The following CNOT11 variants were observed in gnomAD, a reference collection of about 807,000 sequenced individuals.
CNOT11 encodes CCR4-NOT transcription complex subunit 11.
A neutral mutation model predicts 44.6 loss-of-function variants in CNOT11; 18 were observed. That is an observed-to-expected ratio of 0.40 (90% CI 0.28 to 0.60). The LOEUF (loss-of-function observed/expected upper bound fraction) is 0.60, where lower values mean the gene tolerates loss of function less well. CNOT11 is among the 20% of genes least tolerant of loss of function. CNOT11 has a pLI of 0.38. For synonymous variants in CNOT11, 291 were observed against 270.9 expected, an observed-to-expected ratio of 1.07 and a Z score of -0.73; for missense variants, 513 against 677.0, an observed-to-expected ratio of 0.76 and a Z score of 2.69.
At chr2:101,255,543 T>C (rs2104360842) in intron 1 of CNOT11, among the ~76,000 whole-genome samples, 1 of 152,110 alleles carries the variant, frequency 6.6e-6, no homozygotes, top group African/African-American at 2.4e-5. Flanking sequence ...ATACCATTAT[T>C]AAAGTAGGTA....
intron 2 of CNOT11, among the ~76,000 whole-genome samples, chr2:101,260,823 A>G (rs1468744384): frequency 8.3e-6 from 1 of 120,892 alleles, no homozygotes; most frequent in African/African-American, 2.8e-5. Flanking sequence ...TGGCCAATTT[A>G]TCTTTTTTTT....
At chr2:101,266,584 A>G (rs1660694) in intron 4 of CNOT11, 93 bp from the exon 5 acceptor site, 406,967 of 934,878 alleles carry the variant, frequency 0.44, 89,808 homozygotes, top group South Asian at 0.5. Flanking sequence ...AGCTTTTTGT[A>G]TAAAATGCTT....
Position 101,253,026 on chromosome 2 carries a change from G to A in CNOT11, c.62G>A (p.Gly21Glu). The change falls in exon 1 of 7, where the codon GGG becomes GAG. Residue 21 changes from glycine (G) to glutamate (E), a missense_variant. Coordinates refer to ENST00000289382, the MANE Select transcript of CNOT11 (RefSeq NM_017546.5). This position sits in a 1 kb window ranked among gnomAD's most constrained non-coding sequence, Gnocchi z 4.3. ...GRLLTAAEQR[G>E]SREAAGSASR... ...CTTCTCACCGCCGCGGAGCAAAGAG[G>A]GTCCCGGGAAGCGGCAGGGTCGGCG... 1 of 1,512,884 alleles carries A rather than the reference G, an allele frequency of 6.6e-7. No individual in the cohort carries two copies. The allele number at this position is 1,512,884 out of a possible 1,614,324, so 93.7% of individuals were successfully genotyped here.
At chr2:101,264,581 C>T (rs562556518) in intron 3 of CNOT11, among the ~76,000 whole-genome samples, 6 of 152,312 alleles carry the variant, frequency 3.9e-5, no homozygotes, top group African/African-American at 7.2e-5. Flanking sequence ...GGGCAGATCA[C>T]GGCCAGGCTT....
At chr2:101,263,955 G>T in intron 3 of CNOT11, among the ~76,000 whole-genome samples, 1 of 152,218 alleles carries the variant, frequency 6.6e-6, no homozygotes, top group East Asian at 1.9e-4. Context: ...TTTTGTAAGT[G>T]GTTGAAGGGA....
chr2:101,264,118 C>T (rs1298440618), intron 3 of CNOT11, among the ~76,000 whole-genome samples: 1 of 152,172 alleles, frequency 6.6e-6, no homozygotes, highest in African/African-American at 2.4e-5. Context: ...ATAAGCCACT[C>T]CTGCCCTATG....
chr2:101,269,688 C>G lies in CNOT11; in HGVS notation c.*275C>G. ...GTTCCGCAAAAAAGTAGATGAGTTT[C>G]TTTTTTTTTTAAGCACTAAAGAACA... is the stretch of plus-strand genomic sequence containing the variant. On this transcript the variant is annotated 3_prime_UTR_variant, in exon 7 of 7. Transcript: ENST00000289382. The surrounding 1 kb of genome is among the most constrained non-coding windows in gnomAD (Gnocchi z 4.8). 3.6e-6 allele frequency: 1 copy of G among 274,842 alleles called. No individual in the cohort carries two copies. The highest frequency in any genetic ancestry group is 6.5e-5 in the East Asian group (1 of 15,280). The allele number at this position is 274,842 out of a possible 1,614,324, so 17.0% of individuals were successfully genotyped here.
chr2:101,264,311 G>A (rs1433828527), intron 3 of CNOT11, among the ~76,000 whole-genome samples: 1 of 152,174 alleles, frequency 6.6e-6, no homozygotes, highest in African/African-American at 2.4e-5. Context: ...TTAGGGATTC[G>A]TGACGGTTTC....
chr2:101,269,016 G>C lies in CNOT11; in HGVS notation c.1239-24G>C, dbSNP rs1573205215. The C allele has an allele frequency of 6.8e-7, 1 of 1,467,140 alleles. No homozygotes were observed. The highest frequency in any genetic ancestry group is 9.4e-7 in the Non-Finnish European group (1 of 1,066,402). The allele number at this position is 1,467,140 out of a possible 1,614,324, so 90.9% of individuals were successfully genotyped here. A position where few individuals can be genotyped will look rare whatever the true frequency, so the allele number is the denominator to read the frequency against. ...CAATGTTAGCAAATGAAATTAATGG[G>C]CCAAATTTTCTTTTACGAAACAGAC... On this transcript the variant is annotated intron_variant, in intron 5 of 6. Coordinates refer to ENST00000289382, the MANE Select transcript of CNOT11 (RefSeq NM_017546.5). This position sits in a 1 kb window ranked among gnomAD's most constrained non-coding sequence, Gnocchi z 4.8.
chr2:101,255,360 T>A (rs1681714486), intron 1 of CNOT11, among the ~76,000 whole-genome samples: 1 of 152,080 alleles, frequency 6.6e-6, no homozygotes. Flanking sequence ...CCGGGCGCGG[T>A]GGCGGGCGCC....
chr2:101,264,989 T>G lies in CNOT11; in HGVS notation c.977T>G (p.Ile326Ser), dbSNP rs1681949722. The G allele has an allele frequency of 1.2e-6, 2 of 1,614,124 alleles. No individual in the cohort carries two copies. Among genetic ancestry groups the G allele is most frequent in the Admixed American group, 1.7e-5 (1 of 60,022 alleles). ...MCVKNSTGVE[I>S]KRIMAKAFKS... ...GTTAAGAATAGCACTGGTGTGGAGA[T>G]CAAACGAATAATGGCCAAAGCCTTC... is the stretch of plus-strand genomic sequence containing the variant. Residue 326 changes from isoleucine to serine, a missense_variant, in exon 4 of 7, where the codon ATC (isoleucine) becomes AGC (serine). This residue lies in a region of CNOT11 where 140 missense variants were observed against 169.8 expected (regional missense o/e 0.82). Transcript: ENST00000289382.
chr2:101,264,316 G>A (rs372267911), intron 3 of CNOT11, among the ~76,000 whole-genome samples: 2 of 152,130 alleles, frequency 1.3e-5, no homozygotes, highest in African/African-American at 4.8e-5. Context: ...GATTCGTGAC[G>A]GTTTCCACAT....
At chr2:101,265,821 T>A (rs1176715015) in intron 4 of CNOT11, among the ~76,000 whole-genome samples, 1 of 152,126 alleles carries the variant, frequency 6.6e-6, no homozygotes, top group Non-Finnish European at 1.5e-5. Flanking sequence ...ACTGCCCGAG[T>A]GTGAGACTGG....
Position 101,253,009 on chromosome 2 carries a change from C to G in CNOT11, c.45C>G (p.Thr15=). Residue 15 remains threonine (T), a synonymous_variant, in exon 1 of 7, where the codon ACC becomes ACG. Coordinates refer to ENST00000289382, the MANE Select transcript of CNOT11 (RefSeq NM_017546.5). The surrounding 1 kb of genome is among the most constrained non-coding windows in gnomAD (Gnocchi z 4.3). ...GCGCGGCGTCTGGCCGGCTTCTCAC[C>G]GCCGCGGAGCAAAGAGGGTCCCGGG... ...GASAASGRLL[T]AAEQRGSREA... The G allele has an allele frequency of 1.3e-6, 2 of 1,501,350 alleles. No homozygotes were observed. Among genetic ancestry groups the G allele is most frequent in the Non-Finnish European group, 1.8e-6 (2 of 1,132,192 alleles). The allele number at this position is 1,501,350 out of a possible 1,614,324, so 93.0% of individuals were successfully genotyped here. A position where few individuals can be genotyped will look rare whatever the true frequency, so the allele number is the denominator to read the frequency against.
intron 1 of CNOT11, among the ~76,000 whole-genome samples, chr2:101,255,037 G>A (rs1681707794): frequency 6.6e-6 from 1 of 152,146 alleles, no homozygotes; most frequent in South Asian, 2.1e-4. Flanking sequence ...CACCTAGTCC[G>A]TAGACCGCAT....
chr2:101,257,980 C>T (rs6757365), intron 2 of CNOT11, 25 bp downstream of exon 2: 659,716 of 1,594,124 alleles, frequency 0.41, 139,195 homozygotes, highest in East Asian at 0.51. Flanking sequence ...GTGTTTTGGG[C>T]ATTTCTGTGT....
chr2:101,253,288 C>T lies in CNOT11; in HGVS notation c.324C>T (p.Leu108=), dbSNP rs775339777. The T allele has an allele frequency of 2.5e-6, 4 of 1,611,252 alleles. No individual in the cohort carries two copies. The highest frequency in any genetic ancestry group is 3.3e-5 in the Admixed American group (2 of 59,936). ...ACCACTTCCGCCTGGGCTCGGTGCT[C>T]GTCATGCTGCTCCAGCAGCCCGACC... The part of the protein sequence containing the change: ...KADHFRLGSV[L]VMLLQQPDLL... The change falls in exon 1 of 7, where the codon CTC becomes CTT. Residue 108 remains leucine (L), a synonymous_variant. Transcript: ENST00000289382. The surrounding 1 kb of genome is among the most constrained non-coding windows in gnomAD (Gnocchi z 4.3).
chr2:101,263,677 A>G (rs1314820089), intron 3 of CNOT11, among the ~76,000 whole-genome samples: 1 of 152,236 alleles, frequency 6.6e-6, no homozygotes, highest in Non-Finnish European at 1.5e-5. Flanking sequence ...CTTTTGTACC[A>G]TTTGGTTTAC....
At chr2:101,268,966 G>A in intron 5 of CNOT11, 74 bp from the exon 6 acceptor site, 1 of 951,764 alleles carries the variant, frequency 1.1e-6, no homozygotes, top group Non-Finnish European at 1.6e-6. Context: ...AGCAAATTTT[G>A]TATTTTATGG....
Sources: gnomAD v4.1 joint callset for allele counts (sites outside exome capture counted in the v4.1 genomes callset) on GRCh38, gnomAD v4.1.1 for gene constraint, gnomAD v4.1.1 regional missense constraint, Gnocchi (gnomAD v3.1) non-coding constraint, MANE v1.5 for transcripts, NCBI Gene and HGNC (gene_info 2026-07-23, HGNC 2026-07-21) for gene names.